The following ACACA variants were observed in gnomAD, a reference collection of about 807,000 sequenced individuals.
The protein encoded by ACACA is acetyl-CoA carboxylase alpha.
ACACA carries 103 observed loss-of-function variants against 296.1 expected under a neutral mutation model. That is an observed-to-expected ratio of 0.35 (90% CI 0.30 to 0.41). ACACA has a LOEUF of 0.41. Among genes scored for constraint, ACACA ranks in the 10% least tolerant of loss-of-function variants. ACACA has a pLI of 1.00. For missense variants in ACACA, 1,554 were observed against 2,989.7 expected (o/e 0.52, Z 11.20); for synonymous variants, 953 against 1,038.6 (o/e 0.92, Z 1.58).
intron 1 of ACACA, among the ~76,000 whole-genome samples, chr17:37,347,137 C>A (rs2048662612): frequency 6.6e-6 from 1 of 151,996 alleles, no homozygotes; most frequent in Non-Finnish European, 1.5e-5. Flanking sequence ...TGGGTCTTTC[C>A]CATGCTGTTC....
rs1254137999 is a variant in ACACA at position 37,122,639 on chromosome 17, T to A, written c.6042-12A>T. The A allele has an allele frequency of 6.2e-7, 1 of 1,611,180 alleles. No homozygotes were observed. Among genetic ancestry groups the A allele is most frequent in the Non-Finnish European group, 8.5e-7 (1 of 1,177,284 alleles). On this transcript the variant is annotated splice_polypyrimidine_tract_variant and intron_variant, in intron 48 of 55. Transcript: ENST00000616317. ...GTATTCCTCCTAGCCTGATAAAACA[T>A]GAGTCACATAAGAACCCAATGTATG...
Position 37,113,345 on chromosome 17 carries a change from T to G in ACACA, c.6275-80A>C. On this transcript the variant is annotated intron_variant, in intron 50 of 55. Transcript: ENST00000616317. This position sits in a 1 kb window ranked among gnomAD's most constrained non-coding sequence, Gnocchi z 4.0. ...ACTTTTAAACACTGTTCAGGACCTC[T>G]GGCCACGAAGAGCCTCCTTATACTA... 2.0e-6 allele frequency: 3 copies of G among 1,477,260 alleles called. No homozygotes were observed. Among genetic ancestry groups the G allele is most frequent in the Non-Finnish European group, 2.8e-6 (3 of 1,072,442 alleles). 91.5% of individuals were successfully genotyped at this position (1,477,260 alleles called of 1,614,324 possible).
At chr17:37,173,999 TATATATATA>T (rs2076992881) in intron 41 of ACACA, among the ~76,000 whole-genome samples, 5 of 10,612 alleles carry the variant, frequency 4.7e-4, no homozygotes, top group African/African-American at 2.5e-3. Flanking sequence ...TATATATATA[TATATATATA>T]TATATATATA....
chr17:37,092,402 C>T lies in ACACA; in HGVS notation c.6892-3328G>A, dbSNP rs73287914. Among the ~76,000 whole-genome samples, 466 of 152,310 alleles carry T rather than the reference C, an allele frequency of 3.1e-3. 2 individuals carry two copies. Among genetic ancestry groups the T allele is most frequent in the African/African-American group, 0.011 (453 of 41,548 alleles). Reference sequence around the variant, plus strand: ...CCCGTATGCCACCTGTCAGCATATCCATCTGTATCAGAACATTTTATCAAT... The same window carrying T: ...CCCGTATGCCACCTGTCAGCATATCTATCTGTATCAGAACATTTTATCAAT... On this transcript the variant is annotated intron_variant, in intron 54 of 55. Coordinates refer to ENST00000616317, the MANE Select transcript of ACACA (RefSeq NM_198834.3).
rs1418053379 is a variant in ACACA, at chr17:37,252,213, G to GA, written c.1978-106dup. Reference sequence around the variant, plus strand: ...TTGTTGTGATGAAACAGCTAGCAATGAAAATCTCCATTCTCACTGCCCAAC... The same window carrying GA: ...TTGTTGTGATGAAACAGCTAGCAATGAAAAATCTCCATTCTCACTGCCCAAC... On this transcript the variant is annotated intron_variant, in intron 15 of 55. Transcript: ENST00000616317. The GA allele has an allele frequency of 3.4e-6, 3 of 889,304 alleles. 1 individual carries two copies. Among genetic ancestry groups the GA allele is most frequent in the South Asian group, 2.7e-5 (2 of 72,984 alleles). The allele number at this position is 889,304 out of a possible 1,614,324, so 55.1% of individuals were successfully genotyped here.
In ACACA at chr17:37,303,234, T is replaced by G. The variant is rs530671663; in HGVS notation, c.339-18264A>C. On this transcript the variant is annotated intron_variant, in intron 3 of 55. Transcript: ENST00000616317. Reference sequence around the variant, plus strand: ...TATAGATTTGCCTATTACAGACATTTCATATAAATGGAATAATATAATATG... The same window carrying G: ...TATAGATTTGCCTATTACAGACATTGCATATAAATGGAATAATATAATATG... 3.3e-5 allele frequency among the ~76,000 whole-genome samples: 5 copies of G among 152,380 alleles called. No homozygotes were observed. The South Asian group carries it at 1.0e-3, about 32-fold the overall frequency.
At chr17:37,207,957 G>C (rs908744883) in intron 30 of ACACA, among the ~76,000 whole-genome samples, 157 bp from the exon 31 acceptor site, 2 of 152,136 alleles carry the variant, frequency 1.3e-5, no homozygotes, top group Non-Finnish European at 1.5e-5. Context: ...AGGTTGTTTT[G>C]CTGGATTCAT....
At chr17:37,161,650 A>T in intron 42 of ACACA, 131 bp downstream of exon 42, 1 of 1,097,386 alleles carries the variant, frequency 9.1e-7, no homozygotes, top group Non-Finnish European at 1.3e-6. Context: ...TTTCACAAAT[A>T]ATTTTGTTTA....
intron 40 of ACACA, among the ~76,000 whole-genome samples, chr17:37,180,719 T>C (rs1222734953): frequency 6.6e-6 from 1 of 152,192 alleles, no homozygotes; most frequent in Non-Finnish European, 1.5e-5. Flanking sequence ...ACAAAAGAAC[T>C]TATACTCTAA....
intron 14 of ACACA, among the ~76,000 whole-genome samples, chr17:37,256,814 G>A (rs2081248619): frequency 6.6e-6 from 1 of 151,684 alleles, no homozygotes; most frequent in Non-Finnish European, 1.5e-5. Context: ...CATATATTAG[G>A]ATTAATTACT....
chr17:37,267,764 CTTTT>C (rs5820208), intron 10 of ACACA, among the ~76,000 whole-genome samples: 1 of 141,048 alleles, frequency 7.1e-6, no homozygotes, highest in Non-Finnish European at 1.6e-5. Flanking sequence ...TCTTCTTCTT[CTTTT>C]TTTTTTTTTT....
intron 46 of ACACA, 101 bp downstream of exon 46, chr17:37,129,974 T>C (rs1289778777): frequency 2.7e-6 from 4 of 1,470,578 alleles, no homozygotes; most frequent in Non-Finnish European, 3.8e-6. Flanking sequence ...ATAAAAAAAT[T>C]CCTCCACCAT....
chr17:37,128,543 C>T (rs1271387248), intron 47 of ACACA, among the ~76,000 whole-genome samples: 1 of 152,192 alleles, frequency 6.6e-6, no homozygotes, highest in Non-Finnish European at 1.5e-5. Flanking sequence ...AGAACAAATG[C>T]TTCCTCACAT....
At position 37,245,164 on chromosome 17, in the gene ACACA, A is replaced by G. The variant is rs768196007; in HGVS notation, c.2511T>C (p.His837=). The G allele has an allele frequency of 6.2e-7, 1 of 1,614,180 alleles. No homozygotes were observed. The highest frequency in any genetic ancestry group is 8.5e-7 in the Non-Finnish European group (1 of 1,180,022). The change falls in exon 20 of 56, where the codon CAT becomes CAC. Residue 837 remains histidine (H), a synonymous_variant. Coordinates refer to ENST00000616317, the MANE Select transcript of ACACA (RefSeq NM_198834.3). ...GAGCTGCTCCAGGTCGCTTGACGTA[A>G]TGGATACAGCCAGACTCCACAGCTG... The part of the protein sequence containing the change: ...TLTAVESGCI[H]YVKRPGAALD...
chr17:37,251,797 G>C (rs1186083720), intron 16 of ACACA, among the ~76,000 whole-genome samples: 1 of 152,174 alleles, frequency 6.6e-6, no homozygotes, highest in Non-Finnish European at 1.5e-5. Flanking sequence ...TGTGGTATAA[G>C]TTAATGTCTA....
intron 43 of ACACA, among the ~76,000 whole-genome samples, chr17:37,152,988 A>G (rs755645243): frequency 7.2e-5 from 11 of 152,260 alleles, no homozygotes; most frequent in Non-Finnish European, 1.3e-4. Context: ...CTAATATCCA[A>G]TAATTTCCCA....
chr17:37,399,405 T>TGGGC (rs1417344108), intron 1 of ACACA, among the ~76,000 whole-genome samples: 1 of 152,208 alleles, frequency 6.6e-6, no homozygotes, highest in Non-Finnish European at 1.5e-5. Context: ...AAGCATTTAT[T>TGGGC]GGGCACCTGT....
In ACACA at chr17:37,149,914, G is replaced by A; in HGVS notation, c.5629C>T (p.Gln1877Ter). The A allele has an allele frequency of 1.2e-6, 2 of 1,614,174 alleles. No individual in the cohort carries two copies. Among genetic ancestry groups the A allele is most frequent in the Non-Finnish European group, 1.7e-6 (2 of 1,180,020 alleles). The change falls in exon 45 of 56, where the codon CAG (glutamine) becomes TAG (stop). Residue 1877 changes from glutamine to a stop codon, truncating the protein, a stop_gained. Transcript: ENST00000616317. LOFTEE classifies it high-confidence loss of function. ...AGAATTAAGTGAGAATTCTCAACCTGGATGGTTCTCTGTCCCAGCCGGACA... is the reference window on the plus strand; with the variant it reads ...AGAATTAAGTGAGAATTCTCAACCTAGATGGTTCTCTGTCCCAGCCGGACA... ...YLVRLGQRTI[Q>*]VENSHLILTG...
At chr17:37,300,330 C>T (rs1189165704) in intron 3 of ACACA, among the ~76,000 whole-genome samples, 2 of 152,130 alleles carry the variant, frequency 1.3e-5, no homozygotes, top group Non-Finnish European at 2.9e-5. Context: ...GTAATATCTT[C>T]CTGTTTTTAG....
Sources: allele counts gnomAD v4.1 joint callset (sites outside exome capture counted in the v4.1 genomes callset), GRCh38; gene constraint gnomAD v4.1.1; non-coding constraint Gnocchi (gnomAD v3.1); transcripts MANE v1.5; gene names NCBI Gene and HGNC (gene_info 2026-07-23, HGNC 2026-07-21).